Variants in DRC8 observed in about 807,000 individuals in gnomAD.
The protein encoded by DRC8 is dynein regulatory complex subunit 8.
the DRC8 span, among the ~76,000 whole-genome samples, chr1:245,088,819 C>T: frequency 3.9e-5 from 6 of 152,050 alleles, no homozygotes; most frequent in African/African-American, 1.4e-4. The surrounding 1 kb of genome is among the most constrained non-coding windows in gnomAD (Gnocchi z 4.6). Flanking sequence ...AGTCCAGAAA[C>T]CCTAGAGGTG....
At chr1:245,059,276 C>A in the DRC8 span, 6 of 703,028 alleles carry the variant, frequency 8.5e-6, no homozygotes, top group East Asian at 1.4e-4. Context: ...GAGGCAATAT[C>A]GGAGTGATTT....
the DRC8 span, among the ~76,000 whole-genome samples, chr1:244,997,115 GT>G: frequency 6.6e-6 from 1 of 152,168 alleles, no homozygotes; most frequent in African/African-American, 2.4e-5. Flanking sequence ...TACAGATGCA[GT>G]TTTTTCCCCA....
the DRC8 span, chr1:245,002,193 A>C: frequency 2.5e-6 from 4 of 1,610,518 alleles, no homozygotes; most frequent in Admixed American, 1.7e-5. Flanking sequence ...AGGTGGAAGA[A>C]GAGACCATCA....
chr1:245,015,161 G>C, the DRC8 span, among the ~76,000 whole-genome samples: 1 of 152,138 alleles, frequency 6.6e-6, no homozygotes, highest in Admixed American at 6.5e-5. Context: ...TCTGTCGCCA[G>C]GCTGGCGTGC....
At chr1:245,029,996 T>G in the DRC8 span, among the ~76,000 whole-genome samples, 7 of 152,204 alleles carry the variant, frequency 4.6e-5, no homozygotes, top group East Asian at 1.2e-3. Context: ...TTTCAGAGAG[T>G]GTACTTCCTG....
the DRC8 span, among the ~76,000 whole-genome samples, chr1:245,104,396 C>T: frequency 2.6e-5 from 4 of 151,786 alleles, no homozygotes; most frequent in Non-Finnish European, 4.4e-5. Flanking sequence ...CCCAGCTACT[C>T]GGGCAGCTGA....
chr1:245,010,616 G>A, the DRC8 span, among the ~76,000 whole-genome samples: 1 of 152,026 alleles, frequency 6.6e-6, no homozygotes, highest in African/African-American at 2.4e-5. Context: ...AGAGATAAGA[G>A]GATCAGTATT....
the DRC8 span, among the ~76,000 whole-genome samples, chr1:245,041,958 TAA>T: frequency 6.6e-6 from 1 of 152,222 alleles, no homozygotes; most frequent in Non-Finnish European, 1.5e-5. Flanking sequence ...TTCTGTGGTT[TAA>T]GTCACACAGT....
the DRC8 span, among the ~76,000 whole-genome samples, chr1:245,010,830 C>T: frequency 9.1e-4 from 139 of 151,954 alleles, no homozygotes; most frequent in African/African-American, 3.1e-3. Flanking sequence ...TACAGGCACC[C>T]GCCACCACAC....
the DRC8 span, among the ~76,000 whole-genome samples, chr1:245,103,838 G>A: frequency 6.6e-6 from 1 of 152,220 alleles, no homozygotes; most frequent in Admixed American, 6.5e-5. Context: ...TGCTTGTGGA[G>A]TGGGCTATGG....
chr1:244,998,766 T>C, the DRC8 span, among the ~76,000 whole-genome samples: 16,110 of 152,044 alleles, frequency 0.11, 949 homozygotes, highest in East Asian at 0.24. Context: ...ACTAGGACAG[T>C]GGTTAATGTG....
At chr1:244,974,294 G>A in the DRC8 span, among the ~76,000 whole-genome samples, 18 of 152,108 alleles carry the variant, frequency 1.2e-4, no homozygotes, top group Non-Finnish European at 2.5e-4. Flanking sequence ...TTAGACTCAC[G>A]TCTAGGAAAC....
the DRC8 span, among the ~76,000 whole-genome samples, chr1:244,994,886 A>G: frequency 1.3e-5 from 2 of 152,118 alleles, no homozygotes; most frequent in Non-Finnish European, 2.9e-5. Flanking sequence ...CATATACTGT[A>G]TTATGTTTTC....
At chr1:245,007,426 T>G in the DRC8 span, among the ~76,000 whole-genome samples, 1 of 152,196 alleles carries the variant, frequency 6.6e-6, no homozygotes, top group Non-Finnish European at 1.5e-5. Flanking sequence ...ATGATCTTAG[T>G]GAATTTTTGT....
At chr1:245,010,565 G>T in the DRC8 span, among the ~76,000 whole-genome samples, 1 of 152,132 alleles carries the variant, frequency 6.6e-6, no homozygotes, top group African/African-American at 2.4e-5. Flanking sequence ...GGAATAGACT[G>T]CTTTCTGGGG....
At chr1:245,086,719 A>G in the DRC8 span, 7 of 533,270 alleles carry the variant, frequency 1.3e-5, no homozygotes, top group Admixed American at 1.2e-4. Flanking sequence ...TCTCATGACA[A>G]CCCTATGTGA....
the DRC8 span, among the ~76,000 whole-genome samples, chr1:245,001,377 A>AT: frequency 6.6e-6 from 1 of 152,132 alleles, no homozygotes; most frequent in Admixed American, 6.5e-5. Context: ...GTGGTTCCCA[A>AT]ACTTGGTGGC....
chr1:245,096,798 G>A, the DRC8 span, among the ~76,000 whole-genome samples: 3 of 152,210 alleles, frequency 2.0e-5, no homozygotes, highest in Admixed American at 6.5e-5. Context: ...CTTTTTAATA[G>A]CATGGCTTAG....
At chr1:245,076,813 A>G in the DRC8 span, among the ~76,000 whole-genome samples, 3 of 151,588 alleles carry the variant, frequency 2.0e-5, no homozygotes, top group African/African-American at 7.3e-5. Flanking sequence ...TGCACCCTCC[A>G]TCTCCTGGGT....
Sources: gnomAD v4.1 joint callset for allele counts (sites outside exome capture counted in the v4.1 genomes callset) on GRCh38, gnomAD v4.1.1 for gene constraint, Gnocchi (gnomAD v3.1) non-coding constraint, MANE v1.5 for transcripts, NCBI Gene and HGNC (gene_info 2026-07-23, HGNC 2026-07-21) for gene names.